The following UIMC1 variants were observed in gnomAD, a reference collection of about 807,000 sequenced individuals.
The protein encoded by UIMC1 is ubiquitin interaction motif containing 1.
UIMC1 carries 42 observed loss-of-function variants against 84.9 expected under a neutral mutation model. The observed-to-expected ratio is 0.49, with a 90% CI of 0.39 to 0.64. The LOEUF is 0.64. UIMC1 is among the 30% of genes least tolerant of loss of function. The probability of loss-of-function intolerance (pLI) is 0.00; values close to 1 mark genes in which losing one functional copy is unlikely to be tolerated. For missense variants in UIMC1, 825 were observed against 847.6 expected, an observed-to-expected ratio of 0.97 and a Z score of 0.33; for synonymous variants, 281 against 293.0, an observed-to-expected ratio of 0.96 and a Z score of 0.42.
chr5:176,921,284 G>A (rs1454367537), intron 10 of UIMC1, among the ~76,000 whole-genome samples: 1 of 152,064 alleles, frequency 6.6e-6, no homozygotes, highest in Non-Finnish European at 1.5e-5. Flanking sequence ...GAATCTGAAC[G>A]CTTCTTGCTT....
chr5:176,981,366 G>C (rs112439119), intron 2 of UIMC1, among the ~76,000 whole-genome samples: 1 of 151,896 alleles, frequency 6.6e-6, no homozygotes, highest in African/African-American at 2.4e-5. Context: ...GGATGGTCTC[G>C]ATCTCCTGAC....
intron 11 of UIMC1, among the ~76,000 whole-genome samples, chr5:176,910,645 T>C (rs1268582136): frequency 6.6e-6 from 1 of 152,196 alleles, no homozygotes; most frequent in Admixed American, 6.5e-5. Flanking sequence ...AAATGCTCAA[T>C]GCTTCCCAAA....
intron 10 of UIMC1, among the ~76,000 whole-genome samples, chr5:176,932,353 A>G (rs1763197746): frequency 6.6e-6 from 1 of 152,242 alleles, no homozygotes; most frequent in Non-Finnish European, 1.5e-5. Flanking sequence ...ATATTCCCAC[A>G]GCAAGGAAAA....
intron 10 of UIMC1, among the ~76,000 whole-genome samples, chr5:176,934,448 A>T (rs1044421413): frequency 2.0e-5 from 3 of 152,186 alleles, no homozygotes; most frequent in African/African-American, 7.2e-5. Flanking sequence ...AGAAGCCTAG[A>T]GATGCAACGG....
At chr5:176,933,058 G>A (rs1763313415) in intron 10 of UIMC1, among the ~76,000 whole-genome samples, 1 of 152,058 alleles carries the variant, frequency 6.6e-6, no homozygotes, top group Admixed American at 6.5e-5. Context: ...AGAAATAAAA[G>A]CTTTGGCAGT....
intron 10 of UIMC1, among the ~76,000 whole-genome samples, chr5:176,923,780 C>T (rs962836240): frequency 6.0e-5 from 9 of 150,784 alleles, no homozygotes; most frequent in African/African-American, 2.0e-4. Context: ...AAGAGAATCG[C>T]TTGAACCCAG....
intron 10 of UIMC1, among the ~76,000 whole-genome samples, chr5:176,930,752 A>G (rs1762979428): frequency 6.6e-6 from 1 of 152,228 alleles, no homozygotes; most frequent in African/African-American, 2.4e-5. Flanking sequence ...CTATCACCAG[A>G]AAGAAGTAAT....
At chr5:176,983,555 A>G (rs1248557991) in intron 1 of UIMC1, among the ~76,000 whole-genome samples, 2 of 151,888 alleles carry the variant, frequency 1.3e-5, no homozygotes, top group Non-Finnish European at 2.9e-5. Flanking sequence ...CCCAGGCTGG[A>G]GTGCAGTGGC....
intron 9 of UIMC1, among the ~76,000 whole-genome samples, chr5:176,944,889 T>G (rs1242091162): frequency 6.6e-6 from 1 of 152,200 alleles, no homozygotes; most frequent in Non-Finnish European, 1.5e-5. Flanking sequence ...TCTTACACTA[T>G]GCAGGCTCCA....
chr5:176,929,542 G>A (rs148837858), intron 10 of UIMC1, among the ~76,000 whole-genome samples: 105 of 152,270 alleles, frequency 6.9e-4, no homozygotes, highest in African/African-American at 2.5e-3. Context: ...ACTCCAGCCT[G>A]GGTGAGAGAG....
intron 10 of UIMC1, among the ~76,000 whole-genome samples, chr5:176,928,333 G>T (rs945821590): frequency 6.6e-6 from 1 of 152,096 alleles, no homozygotes; most frequent in Non-Finnish European, 1.5e-5. Context: ...GAAAAAGTTT[G>T]CTAGACTTTG....
intron 12 of UIMC1, 118 bp from the exon 13 acceptor site, chr5:176,907,295 G>A: frequency 2.1e-6 from 2 of 971,350 alleles, no homozygotes; most frequent in East Asian, 2.6e-5. Context: ...CACAGCTCTA[G>A]GGAAGTCTTT....
At chr5:176,945,097 A>C (rs995183309) in intron 9 of UIMC1, among the ~76,000 whole-genome samples, 7 of 152,188 alleles carry the variant, frequency 4.6e-5, no homozygotes, top group African/African-American at 7.2e-5. Flanking sequence ...TGGCAGAAAT[A>C]AAAAGCCTCT....
Position 176,905,200 on chromosome 5 carries a change from A to G in UIMC1, c.*82T>C. The G allele has an allele frequency of 6.8e-7, 1 of 1,470,362 alleles. No individual in the cohort carries two copies. Among genetic ancestry groups the G allele is most frequent in the Non-Finnish European group, 9.2e-7 (1 of 1,081,750 alleles). 91.1% of individuals were successfully genotyped at this position (1,470,362 alleles called of 1,614,324 possible). A position where few individuals can be genotyped will look rare whatever the true frequency, so the allele number is the denominator to read the frequency against. ...CTGCAGGGCTAAAACTTGCTCAACA[A>G]TGAACTAGGGACCACTATGGCTTAA... On this transcript the variant is annotated 3_prime_UTR_variant, in exon 15 of 15. Transcript: ENST00000511320.
intron 1 of UIMC1, among the ~76,000 whole-genome samples, chr5:176,989,743 G>A (rs1220106520): frequency 1.3e-5 from 2 of 152,064 alleles, no homozygotes; most frequent in Non-Finnish European, 2.9e-5. Context: ...GAGGTAGCTA[G>A]TTATTATTTA....
chr5:176,933,669 TG>T (rs1397869345), intron 10 of UIMC1, among the ~76,000 whole-genome samples: 1 of 152,056 alleles, frequency 6.6e-6, no homozygotes, highest in African/African-American at 2.4e-5. Context: ...CCGAAGTAAC[TG>T]GGACTACAGG....
chr5:176,942,875 C>T (rs1341196779), intron 10 of UIMC1, among the ~76,000 whole-genome samples: 1 of 151,040 alleles, frequency 6.6e-6, no homozygotes, highest in African/African-American at 2.4e-5. Flanking sequence ...GCCAACATGG[C>T]GAAACCCTGT....
intron 2 of UIMC1, among the ~76,000 whole-genome samples, chr5:176,979,822 A>G (rs2149499800): frequency 6.6e-6 from 1 of 152,312 alleles, no homozygotes; most frequent in East Asian, 1.9e-4. Flanking sequence ...TTTTAGTATC[A>G]GTTTGACTGG....
intron 6 of UIMC1, among the ~76,000 whole-genome samples, chr5:176,961,878 G>C (rs1360630664): frequency 1.4e-4 from 7 of 50,548 alleles, no homozygotes; most frequent in Admixed American, 4.5e-4. Context: ...CAGCCGCCCC[G>C]TCCGGGAGGG....
Sources: gnomAD v4.1 joint callset for allele counts (sites outside exome capture counted in the v4.1 genomes callset) on GRCh38, gnomAD v4.1.1 for gene constraint, MANE v1.5 for transcripts, NCBI Gene and HGNC (gene_info 2026-07-23, HGNC 2026-07-21) for gene names.